DCAF6: variants seen among roughly 807,000 people sequenced by gnomAD.
The protein encoded by DCAF6 is DDB1 and CUL4 associated factor 6, also known as DDB1- and CUL4-associated factor 6.
In DCAF6, 54 loss-of-function variants were observed where a neutral mutation model predicts 125.1. The ratio of observed to expected loss-of-function variants is 0.43; its 90% CI spans 0.35 to 0.54. The LOEUF is 0.54. Ranked by LOEUF, DCAF6 falls within the 20% of genes least tolerant of loss-of-function variation. DCAF6 has a pLI of 0.01. For missense variants in DCAF6, 934 were observed against 1,161.7 expected (o/e 0.80, Z 2.85); for synonymous variants, 371 against 390.4 (o/e 0.95, Z 0.58).
intron 17 of DCAF6, among the ~76,000 whole-genome samples, chr1:168,052,562 TAGCTATTAG>T (rs1690078979): frequency 6.6e-6 from 1 of 152,220 alleles, no homozygotes; most frequent in South Asian, 2.1e-4. Flanking sequence ...CTTCTCCTTT[TAGCTATTAG>T]AGATGTTCAA....
intron 21 of DCAF6, among the ~76,000 whole-genome samples, chr1:168,072,965 A>C (rs1184412355): frequency 6.6e-6 from 1 of 152,134 alleles, no homozygotes; most frequent in Non-Finnish European, 1.5e-5. Context: ...CTTCTGAAAA[A>C]CAGTATACAT....
At chr1:167,956,830 C>T (rs979093343) in intron 2 of DCAF6, among the ~76,000 whole-genome samples, 11 of 152,028 alleles carry the variant, frequency 7.2e-5, no homozygotes, top group African/African-American at 2.7e-4. Flanking sequence ...TCTGTTATTT[C>T]TATGGCCATC....
At chr1:168,061,389 T>A (rs1691577553) in intron 17 of DCAF6, among the ~76,000 whole-genome samples, 1 of 152,214 alleles carries the variant, frequency 6.6e-6, no homozygotes, top group African/African-American at 2.4e-5. Context: ...ATAATTATTT[T>A]AAAAATTGTT....
At chr1:168,001,764 A>G (rs1682672476) in intron 7 of DCAF6, among the ~76,000 whole-genome samples, 1 of 152,196 alleles carries the variant, frequency 6.6e-6, no homozygotes, top group Non-Finnish European at 1.5e-5. Context: ...AAGGAGTTGA[A>G]GGAATGAAAT....
intron 17 of DCAF6, among the ~76,000 whole-genome samples, chr1:168,057,471 C>T (rs1691024218): frequency 6.6e-6 from 1 of 152,188 alleles, no homozygotes; most frequent in African/African-American, 2.4e-5. Context: ...TTCAGATTTA[C>T]TCTTTTCCTC....
intron 10 of DCAF6, among the ~76,000 whole-genome samples, chr1:168,007,885 T>A (rs1683557923): frequency 6.6e-6 from 1 of 151,766 alleles, no homozygotes; most frequent in South Asian, 2.1e-4. Flanking sequence ...AATCTGATCT[T>A]CTACCCTGAA....
intron 4 of DCAF6, 24 bp downstream of exon 4, chr1:167,975,039 G>T: frequency 6.9e-7 from 1 of 1,457,160 alleles, no homozygotes; most frequent in Non-Finnish European, 9.2e-7. Flanking sequence ...ATGATTATAT[G>T]ATATATATGT....
At chr1:167,881,959 C>T in the DCAF6 span, among the ~76,000 whole-genome samples, 1 of 152,224 alleles carries the variant, frequency 6.6e-6, no homozygotes, top group Non-Finnish European at 1.5e-5. Flanking sequence ...ATGCATGCTT[C>T]CTGCCTGGTT....
intron 1 of DCAF6, among the ~76,000 whole-genome samples, chr1:167,938,697 A>G (rs1239733136): frequency 2.0e-5 from 3 of 152,228 alleles, no homozygotes; most frequent in African/African-American, 7.2e-5. Context: ...ATACATTTAT[A>G]ATTTGGTCCT....
intron 21 of DCAF6, among the ~76,000 whole-genome samples, chr1:168,072,322 A>AAAAAAAAG (rs1553253848): frequency 1.9e-4 from 28 of 145,470 alleles, no homozygotes; most frequent in African/African-American, 7.0e-4. Context: ...AAAAAAAAAA[A>AAAAAAAAG]AAAGAAAAGA....
intron 15 of DCAF6, 97 bp from the exon 16 acceptor site, chr1:168,044,803 C>A: frequency 6.9e-7 from 1 of 1,444,886 alleles, no homozygotes; most frequent in Non-Finnish European, 9.5e-7. Flanking sequence ...AGGAATTAGA[C>A]ATCATATTAG....
At chr1:167,883,379 G>A in the DCAF6 span, 11 of 1,571,828 alleles carry the variant, frequency 7.0e-6, no homozygotes, top group African/African-American at 1.5e-4. Flanking sequence ...CAATGTGCTT[G>A]TCCATGAATG....
intron 21 of DCAF6, among the ~76,000 whole-genome samples, chr1:168,073,941 G>T (rs1693450888): frequency 1.4e-5 from 2 of 142,006 alleles, no homozygotes; most frequent in Admixed American, 7.0e-5. Flanking sequence ...ATCTTATTTT[G>T]TTCATTTATT....
intron 13 of DCAF6, chr1:168,042,678 G>A: frequency 6.0e-6 from 1 of 165,888 alleles, no homozygotes; most frequent in South Asian, 1.6e-4. Context: ...AACCATTAAG[G>A]TTTTGGATAT....
intron 2 of DCAF6, among the ~76,000 whole-genome samples, chr1:167,959,136 T>C (rs1015234260): frequency 6.6e-6 from 1 of 152,232 alleles, no homozygotes; most frequent in Non-Finnish European, 1.5e-5. Flanking sequence ...TCACATAGTA[T>C]GTAGCCTTTT....
chr1:167,971,582 G>A (rs1273330570), intron 3 of DCAF6, among the ~76,000 whole-genome samples: 3 of 152,142 alleles, frequency 2.0e-5, no homozygotes, highest in Non-Finnish European at 2.9e-5. Flanking sequence ...TACGTGACAT[G>A]ATTAAGAAGG....
intron 21 of DCAF6, among the ~76,000 whole-genome samples, chr1:168,073,195 G>A (rs903154883): frequency 2.6e-5 from 4 of 152,134 alleles, no homozygotes; most frequent in African/African-American, 9.6e-5. Flanking sequence ...AGAAGAAAAA[G>A]AAAAACAGTA....
chr1:167,990,651 G>A (rs1428363775), intron 5 of DCAF6, among the ~76,000 whole-genome samples: 1 of 152,128 alleles, frequency 6.6e-6, no homozygotes, highest in Non-Finnish European at 1.5e-5. Context: ...AGTTTAGAAA[G>A]AGTTTTAATT....
At chr1:167,997,504 G>A (rs1358030137) in intron 7 of DCAF6, among the ~76,000 whole-genome samples, 3 of 150,426 alleles carry the variant, frequency 2.0e-5, no homozygotes, top group Admixed American at 6.6e-5. Context: ...GGAATTTATG[G>A]GGATTTTTTT....
Sources: gnomAD v4.1 joint callset for allele counts (sites outside exome capture counted in the v4.1 genomes callset) on GRCh38, gnomAD v4.1.1 for gene constraint, MANE v1.5 for transcripts, NCBI Gene and HGNC (gene_info 2026-07-23, HGNC 2026-07-21) for gene names.